BIN2: variants seen among roughly 807,000 people sequenced by gnomAD.
BIN2 encodes the protein bridging integrator 2.
A neutral mutation model predicts 67.9 loss-of-function variants in BIN2; 43 were observed. That is an observed-to-expected ratio of 0.63 (90% CI 0.50 to 0.82). The LOEUF is 0.82. BIN2 is among the 40% of genes least tolerant of loss of function. The pLI is 0.00. For missense variants in BIN2, 581 were observed against 671.6 expected (o/e 0.87, Z 1.49); for synonymous variants, 244 against 246.8 (o/e 0.99, Z 0.11).
At chr12:51,316,937 C>T (rs530533817) in intron 1 of BIN2, among the ~76,000 whole-genome samples, 1 of 152,200 alleles carries the variant, frequency 6.6e-6, no homozygotes, top group East Asian at 1.9e-4. Context: ...AGTACAATGG[C>T]GTGATCTCAG....
intron 1 of BIN2, among the ~76,000 whole-genome samples, chr12:51,318,133 G>A (rs1205711209): frequency 6.6e-6 from 1 of 152,214 alleles, no homozygotes; most frequent in Non-Finnish European, 1.5e-5. Context: ...GTTATGGGGA[G>A]TGGTGGGGAA....
At chr12:51,302,932 A>C (rs550030235) in intron 3 of BIN2, 152 bp from the exon 4 acceptor site, 1 of 1,146,854 alleles carries the variant, frequency 8.7e-7, no homozygotes, top group South Asian at 1.3e-5. Flanking sequence ...GCTGAAAGGA[A>C]AAGTCACTCT....
chr12:51,290,460 C>T (rs541293656), intron 10 of BIN2, among the ~76,000 whole-genome samples: 83 of 152,156 alleles, frequency 5.5e-4, no homozygotes, highest in African/African-American at 1.7e-3. Flanking sequence ...TAGGAACTCC[C>T]AGAACTTGGA....
chr12:51,305,499 C>G (rs1415622907), intron 2 of BIN2, among the ~76,000 whole-genome samples: 1 of 151,348 alleles, frequency 6.6e-6, no homozygotes, highest in African/African-American at 2.4e-5. Context: ...TGGCACGCAC[C>G]TGTAATCTCA....
intron 2 of BIN2, among the ~76,000 whole-genome samples, chr12:51,305,494 C>T (rs1373633061): frequency 6.7e-6 from 1 of 149,594 alleles, no homozygotes; most frequent in Non-Finnish European, 1.5e-5. Flanking sequence ...CATGGTGGCA[C>T]GCACCTGTAA....
chr12:51,304,844 A>G (rs1012316048), intron 2 of BIN2, among the ~76,000 whole-genome samples: 1 of 150,602 alleles, frequency 6.6e-6, no homozygotes, highest in Non-Finnish European at 1.5e-5. Flanking sequence ...GTGAAAGCCC[A>G]TCTCTACTAA....
chr12:51,299,248 T>A lies in BIN2; in HGVS notation c.557A>T (p.Asp186Val). ...CTCCTCTAGTAGTTCTTGGTTCAGATCTTCAAACACAGTCTGGGCTTTGTT... is the reference window on the plus strand; with the variant it reads ...CTCCTCTAGTAGTTCTTGGTTCAGAACTTCAAACACAGTCTGGGCTTTGTT... ...EFNKAQTVFEDLNQELLEELP... is the reference protein window; with the variant it reads ...EFNKAQTVFEVLNQELLEELP... The change falls in exon 7 of 13, where the codon GAT (aspartate) becomes GTT (valine). Residue 186 changes from aspartate to valine, a missense_variant. Asp to Val is a radical substitution (Grantham distance 152). Transcript: ENST00000615107. 1 of 1,613,874 alleles carries A rather than the reference T, an allele frequency of 6.2e-7. No homozygotes were observed. Among genetic ancestry groups the A allele is most frequent in the Non-Finnish European group, 8.5e-7 (1 of 1,179,748 alleles).
At chr12:51,299,773 G>A in intron 5 of BIN2, 59 bp from the exon 6 acceptor site, 1 of 1,371,088 alleles carries the variant, frequency 7.3e-7, no homozygotes, top group Non-Finnish European at 1.0e-6. Flanking sequence ...CAGGATGTAG[G>A]TAACAGAATA....
chr12:51,316,860 T>C (rs1205218405), intron 1 of BIN2, among the ~76,000 whole-genome samples: 2 of 152,114 alleles, frequency 1.3e-5, no homozygotes, highest in Non-Finnish European at 2.9e-5. Flanking sequence ...TGTTGTTTTA[T>C]TACTACTACT....
chr12:51,319,175 C>CA, intron 1 of BIN2, among the ~76,000 whole-genome samples: 1 of 152,262 alleles, frequency 6.6e-6, no homozygotes, highest in East Asian at 1.9e-4. Flanking sequence ...AGAGAAAACT[C>CA]AGTCTAGAGT....
intron 9 of BIN2, among the ~76,000 whole-genome samples, chr12:51,294,192 A>C (rs986263566): frequency 2.2e-4 from 34 of 152,220 alleles, no homozygotes; most frequent in Non-Finnish European, 4.4e-4. Flanking sequence ...GCAATAACAA[A>C]AAATCTTACA....
chr12:51,315,137 A>G (rs573750647), intron 1 of BIN2, among the ~76,000 whole-genome samples: 23 of 150,968 alleles, frequency 1.5e-4, no homozygotes, highest in Non-Finnish European at 2.8e-4. Flanking sequence ...TATAGGCATG[A>G]GCCATTAGGC....
chr12:51,303,984 C>T (rs972196864), intron 2 of BIN2: 6 of 152,252 alleles, frequency 3.9e-5, no homozygotes, highest in African/African-American at 1.4e-4. Flanking sequence ...GCAGTTCACA[C>T]TTATAATCCC....
chr12:51,299,427 C>T, intron 6 of BIN2, 139 bp from the exon 7 acceptor site: 1 of 997,628 alleles, frequency 1.0e-6, no homozygotes. Context: ...ATGCCCTCCC[C>T]AGCCTCAAGA....
intron 7 of BIN2, 114 bp downstream of exon 7, chr12:51,299,086 AAAG>A: frequency 3.0e-6 from 2 of 669,260 alleles, no homozygotes; most frequent in Non-Finnish European, 4.9e-6. Flanking sequence ...AAAAAAAAAA[AAAG>A]GGGGCGGGGC....
At chr12:51,313,701 C>A (rs562597225) in intron 2 of BIN2, 122 bp downstream of exon 2, 18 of 884,626 alleles carry the variant, frequency 2.0e-5, no homozygotes, top group African/African-American at 3.3e-5. Context: ...AGCCCTTAAC[C>A]CTAGGGGGAG....
At chr12:51,315,293 C>G (rs1021266125) in intron 1 of BIN2, among the ~76,000 whole-genome samples, 89 of 152,158 alleles carry the variant, frequency 5.8e-4, no homozygotes, top group African/African-American at 2.1e-3. Context: ...CCTCAGCCTC[C>G]CGATTAGCTT....
At chr12:51,323,068 C>T (rs1946326850) in intron 1 of BIN2, 2 of 152,228 alleles carry the variant, frequency 1.3e-5, no homozygotes, top group South Asian at 4.1e-4. Flanking sequence ...AAAACTTCTC[C>T]GTTGTAGAAG....
intron 11 of BIN2, 67 bp from the exon 12 acceptor site, chr12:51,284,854 T>A: frequency 2.6e-6 from 3 of 1,142,828 alleles, no homozygotes; most frequent in Non-Finnish European, 4.0e-6. Context: ...CATAGAAGTG[T>A]CTTCTGTGCC....
Sources: gnomAD v4.1 joint callset for allele counts (sites outside exome capture counted in the v4.1 genomes callset) on GRCh38, gnomAD v4.1.1 for gene constraint, MANE v1.5 for transcripts, NCBI Gene and HGNC (gene_info 2026-07-23, HGNC 2026-07-21) for gene names.